CHST9: variants seen among roughly 807,000 people sequenced by gnomAD.
CHST9 encodes GalNAc-4-sulfotransferase 2.
A neutral mutation model predicts 44.4 loss-of-function variants in CHST9; 41 were observed. That is an observed-to-expected ratio of 0.92 (90% CI 0.72 to 1.20). CHST9 has a LOEUF of 1.20. Ranked by LOEUF, CHST9 falls within the 50% of genes most tolerant of loss-of-function variation. The pLI is 0.00. For synonymous variants in CHST9, 171 were observed against 178.4 expected, an observed-to-expected ratio of 0.96 and a Z score of 0.33; for missense variants, 504 against 516.5, an observed-to-expected ratio of 0.98 and a Z score of 0.23.
intron 1 of CHST9, among the ~76,000 whole-genome samples, chr18:27,162,197 C>T (rs2058753040): frequency 6.6e-6 from 1 of 152,122 alleles, no homozygotes; most frequent in Non-Finnish European, 1.5e-5. Context: ...CAGTTTCTTC[C>T]TAGCCTTGAT....
intron 4 of CHST9, among the ~76,000 whole-genome samples, chr18:26,975,649 G>GTATATATATATA (rs36030325): frequency 3.2e-4 from 41 of 126,908 alleles, no homozygotes; most frequent in East Asian, 4.8e-4. Flanking sequence ...ATGTATGTGT[G>GTATATATATATA]TATATATATA....
chr18:27,137,748 C>G (rs1050460621), intron 2 of CHST9, among the ~76,000 whole-genome samples: 1 of 152,108 alleles, frequency 6.6e-6, no homozygotes, highest in Non-Finnish European at 1.5e-5. Flanking sequence ...GTGACTCTGT[C>G]GTTAGAGGGT....
At chr18:26,997,858 A>G (rs1252556517) in intron 4 of CHST9, among the ~76,000 whole-genome samples, 1 of 152,224 alleles carries the variant, frequency 6.6e-6, no homozygotes, top group Non-Finnish European at 1.5e-5. Context: ...GCCTCTAGTC[A>G]GGGCCTGCAT....
intron 4 of CHST9, chr18:26,952,420 C>T: frequency 2.3e-6 from 1 of 430,250 alleles, no homozygotes; most frequent in Non-Finnish European, 4.5e-6. Context: ...TGCCTTTGCA[C>T]CATAGTTTTT....
chr18:26,931,406 A>C (rs1431377804), intron 5 of CHST9, among the ~76,000 whole-genome samples: 1 of 152,364 alleles, frequency 6.6e-6, no homozygotes, highest in African/African-American at 2.4e-5. Context: ...TTTTAGGCCA[A>C]TAGTAACTCA....
intron 4 of CHST9, among the ~76,000 whole-genome samples, chr18:26,963,855 TC>T (rs770084919): frequency 5.6e-4 from 86 of 152,302 alleles, no homozygotes; most frequent in Non-Finnish European, 1.0e-3. Flanking sequence ...CTAAACGATA[TC>T]ATGCACGTTT....
intron 4 of CHST9, among the ~76,000 whole-genome samples, chr18:26,964,308 G>A (rs1197262472): frequency 6.6e-6 from 1 of 152,108 alleles, no homozygotes; most frequent in African/African-American, 2.4e-5. Context: ...CAAGGTATTG[G>A]TTACATGAAA....
chr18:27,169,598 CTTTTTT>C lies in CHST9; in HGVS notation c.-97+15532_-97+15537del, dbSNP rs1156859087. On this transcript the variant is annotated intron_variant, in intron 1 of 5. Coordinates refer to ENST00000618847, the MANE Select transcript of CHST9 (RefSeq NM_031422.6). ...CAAAATGTATAAAACATATATTCTT[CTTTTTT>C]TTTTTTTTTTTTTTTTTTTGAGACA... Among the ~76,000 whole-genome samples, 3 of 82,188 alleles carry C rather than the reference CTTTTTT, an allele frequency of 3.7e-5. No homozygotes were observed. The East Asian group carries it at 1.2e-3, about 34-fold the overall frequency. 53.9% of individuals were successfully genotyped at this position (82,188 alleles called of 152,430 possible).
intron 5 of CHST9, among the ~76,000 whole-genome samples, chr18:26,932,026 A>G (rs1461895142): frequency 1.3e-5 from 2 of 151,930 alleles, no homozygotes; most frequent in Non-Finnish European, 2.9e-5. Context: ...AATGAATACA[A>G]TCCTTTGTAC....
At chr18:27,096,691 A>T (rs2058120102) in intron 2 of CHST9, among the ~76,000 whole-genome samples, 1 of 152,106 alleles carries the variant, frequency 6.6e-6, no homozygotes, top group African/African-American at 2.4e-5. Context: ...GAGGAAGTGG[A>T]TAAATTCCTG....
intron 4 of CHST9, among the ~76,000 whole-genome samples, chr18:26,984,914 T>C (rs1409438557): frequency 1.3e-5 from 2 of 152,164 alleles, no homozygotes; most frequent in African/African-American, 4.8e-5. Context: ...GTAATTTGTA[T>C]AACTATTTTG....
intron 4 of CHST9, among the ~76,000 whole-genome samples, chr18:26,957,239 A>G (rs2056337703): frequency 6.6e-6 from 1 of 152,214 alleles, no homozygotes; most frequent in South Asian, 2.1e-4. Flanking sequence ...CCCAGAGGCT[A>G]AGTGAATTAC....
rs1403520491 is a variant in CHST9 at position 26,970,378 on chromosome 18, A to G, written c.203-26012T>C. On this transcript the variant is annotated intron_variant, in intron 4 of 5. Coordinates refer to ENST00000618847, the MANE Select transcript of CHST9 (RefSeq NM_031422.6). ...TGCCAGGTACAATTCTAAATGCTGT[A>G]TGTATTGATTCATTTAAACTACACA... is the stretch of plus-strand genomic sequence containing the variant. Among the ~76,000 whole-genome samples, 5 of 152,292 alleles carry G rather than the reference A, an allele frequency of 3.3e-5. No homozygotes were observed. In the East Asian group the frequency reaches 9.6e-4, roughly 29 times the overall value.
chr18:27,155,969 A>T (rs1005010051), intron 1 of CHST9, among the ~76,000 whole-genome samples: 2 of 152,148 alleles, frequency 1.3e-5, no homozygotes, highest in Non-Finnish European at 2.9e-5. Flanking sequence ...AAAATACAAG[A>T]TATAAAAAAT....
intron 2 of CHST9, among the ~76,000 whole-genome samples, chr18:27,101,518 G>C (rs993108512): frequency 6.6e-6 from 1 of 151,934 alleles, no homozygotes; most frequent in Non-Finnish European, 1.5e-5. Flanking sequence ...GCTGAGGCCG[G>C]AGAATGGAGT....
rs887959529 is a variant in CHST9 at position 27,121,028 on chromosome 18, G to T, written c.121+21661C>A. On this transcript the variant is annotated intron_variant, in intron 2 of 5. Transcript: ENST00000618847. ...TTTTCATTTATTTATTTGAGATGAG[G>T]TCTCACTCTGTCACCCAGGCTGAAG... Among the ~76,000 whole-genome samples the T allele has an allele frequency of 3.3e-5, 5 of 152,110 alleles. No individual in the cohort carries two copies. In the East Asian group the frequency reaches 9.7e-4, roughly 29 times the overall value.
At chr18:26,931,731 G>A (rs1407378552) in intron 5 of CHST9, among the ~76,000 whole-genome samples, 2 of 152,356 alleles carry the variant, frequency 1.3e-5, no homozygotes, top group African/African-American at 4.8e-5. Flanking sequence ...AGGCTGTGTG[G>A]TAAGAGTGAG....
At chr18:27,047,388 T>TGTGTG (rs2057514027) in intron 3 of CHST9, among the ~76,000 whole-genome samples, 2 of 145,654 alleles carry the variant, frequency 1.4e-5, no homozygotes, top group East Asian at 4.0e-4. Context: ...GCCTTCATAA[T>TGTGTG]TGTGTGTGTG....
At chr18:27,176,271 T>C (rs939591009) in intron 1 of CHST9, among the ~76,000 whole-genome samples, 3 of 152,076 alleles carry the variant, frequency 2.0e-5, no homozygotes, top group African/African-American at 7.2e-5. Context: ...GTTTTCATAT[T>C]TGCATTTTGA....
Sources: allele counts gnomAD v4.1 joint callset (sites outside exome capture counted in the v4.1 genomes callset), GRCh38; gene constraint gnomAD v4.1.1; transcripts MANE v1.5; gene names NCBI Gene and HGNC (gene_info 2026-07-23, HGNC 2026-07-21).